AKAP19: variants seen among roughly 807,000 people sequenced by gnomAD.
AKAP19 encodes the protein small A-kinase anchoring protein.
chr2:190,163,465 A>C, the AKAP19 span, among the ~76,000 whole-genome samples: 1 of 151,588 alleles, frequency 6.6e-6, no homozygotes, highest in African/African-American at 2.4e-5. Context: ...CAAAAAAAAA[A>C]AAAACTGAGT....
At chr2:189,967,058 C>A in the AKAP19 span, among the ~76,000 whole-genome samples, 1 of 152,166 alleles carries the variant, frequency 6.6e-6, no homozygotes, top group Non-Finnish European at 1.5e-5. Context: ...ATTCTTCATT[C>A]TTCCTTATGG....
the AKAP19 span, among the ~76,000 whole-genome samples, chr2:190,020,847 A>T: frequency 6.6e-6 from 1 of 152,104 alleles, no homozygotes; most frequent in Non-Finnish European, 1.5e-5. Flanking sequence ...ATGAATTTGC[A>T]TGTTATTCAT....
At chr2:190,201,651 CATT>C in the AKAP19 span, 1 of 167,136 alleles carries the variant, frequency 6.0e-6, no homozygotes, top group African/African-American at 2.4e-5. Flanking sequence ...GCAAGGAAAA[CATT>C]ATTTGAAATA....
At chr2:189,900,246 T>A in the AKAP19 span, among the ~76,000 whole-genome samples, 4 of 152,224 alleles carry the variant, frequency 2.6e-5, no homozygotes, top group Non-Finnish European at 5.9e-5. Flanking sequence ...CCCATTTGTT[T>A]GTTTCTTCGG....
the AKAP19 span, among the ~76,000 whole-genome samples, chr2:190,093,558 A>G: frequency 2.0e-5 from 3 of 152,232 alleles, no homozygotes; most frequent in Non-Finnish European, 2.9e-5. Context: ...TTAGTTTAAC[A>G]TTATAGAAAT....
At chr2:189,915,143 G>A in the AKAP19 span, among the ~76,000 whole-genome samples, 9 of 152,164 alleles carry the variant, frequency 5.9e-5, no homozygotes, top group East Asian at 1.7e-3. Context: ...CACAATTACT[G>A]TGTTGGTAGT....
chr2:189,969,710 C>CA, the AKAP19 span, among the ~76,000 whole-genome samples: 2 of 111,858 alleles, frequency 1.8e-5, no homozygotes, highest in South Asian at 5.5e-4. Flanking sequence ...GACTGGGCGA[C>CA]AGAGCAAGAC....
the AKAP19 span, among the ~76,000 whole-genome samples, chr2:190,003,246 A>G: frequency 6.6e-6 from 1 of 152,104 alleles, no homozygotes; most frequent in Admixed American, 6.6e-5. Flanking sequence ...TATGTAGATA[A>G]TGACAATTTT....
the AKAP19 span, among the ~76,000 whole-genome samples, chr2:190,027,911 GC>G: frequency 1.3e-5 from 2 of 152,102 alleles, no homozygotes; most frequent in South Asian, 2.1e-4. Context: ...ATGCAAGGGT[GC>G]TTTTTTATTT....
the AKAP19 span, among the ~76,000 whole-genome samples, chr2:190,184,028 C>T: frequency 2.4e-4 from 36 of 152,064 alleles, no homozygotes; most frequent in Admixed American, 7.2e-4. Flanking sequence ...TGCACTAAGT[C>T]GGTGGTTGAG....
the AKAP19 span, among the ~76,000 whole-genome samples, chr2:190,026,352 T>C: frequency 6.6e-6 from 1 of 152,222 alleles, no homozygotes; most frequent in African/African-American, 2.4e-5. Context: ...TCCACTTGAC[T>C]ATGAAATCTT....
the AKAP19 span, among the ~76,000 whole-genome samples, chr2:190,182,084 C>G: frequency 6.6e-6 from 1 of 152,240 alleles, no homozygotes; most frequent in East Asian, 1.9e-4. Context: ...AGACCAACCT[C>G]CAATCCATTT....
At chr2:190,135,234 T>C in the AKAP19 span, among the ~76,000 whole-genome samples, 1 of 152,172 alleles carries the variant, frequency 6.6e-6, no homozygotes, top group African/African-American at 2.4e-5. Flanking sequence ...ATGCACTGGA[T>C]GTAGTAAGTA....
the AKAP19 span, among the ~76,000 whole-genome samples, chr2:189,947,187 T>C: frequency 6.6e-6 from 1 of 152,196 alleles, no homozygotes; most frequent in South Asian, 2.1e-4. Context: ...GACCCAACAA[T>C]TGGGTTTTCG....
chr2:190,034,276 T>C, the AKAP19 span, among the ~76,000 whole-genome samples: 1 of 151,854 alleles, frequency 6.6e-6, no homozygotes, highest in East Asian at 1.9e-4. Context: ...CCTAGAGAAA[T>C]ATCTTAAAAG....
chr2:189,938,561 G>A, the AKAP19 span, among the ~76,000 whole-genome samples: 1 of 152,246 alleles, frequency 6.6e-6, no homozygotes, highest in Non-Finnish European at 1.5e-5. Flanking sequence ...AGAGTAGAAG[G>A]ATGGTTACCA....
the AKAP19 span, among the ~76,000 whole-genome samples, chr2:190,023,795 G>GTATATATA: frequency 1.1e-4 from 15 of 142,826 alleles, no homozygotes; most frequent in East Asian, 1.2e-3. Context: ...ATGTGTGTGT[G>GTATATATA]TATATATATA....
chr2:190,129,053 C>T, the AKAP19 span, among the ~76,000 whole-genome samples: 1 of 152,208 alleles, frequency 6.6e-6, no homozygotes, highest in African/African-American at 2.4e-5. Context: ...TAACATTCTA[C>T]AACTGGCATA....
chr2:189,916,291 T>C, the AKAP19 span, among the ~76,000 whole-genome samples: 2 of 150,962 alleles, frequency 1.3e-5, no homozygotes, highest in African/African-American at 2.4e-5. Context: ...ATTATACTTC[T>C]ATAATTTTCT....
Sources: allele counts gnomAD v4.1 joint callset (sites outside exome capture counted in the v4.1 genomes callset), GRCh38; gene constraint gnomAD v4.1.1; transcripts MANE v1.5; gene names NCBI Gene and HGNC (gene_info 2026-07-23, HGNC 2026-07-21).